Variants in ESF1 observed in about 807,000 individuals in gnomAD.
ESF1 encodes ESF1 nucleolar pre-rRNA processing protein.
A neutral mutation model predicts 92.0 loss-of-function variants in ESF1; 58 were observed. The observed-to-expected ratio is 0.63, with a 90% CI of 0.51 to 0.78. The LOEUF (loss-of-function observed/expected upper bound fraction) is 0.78. Among genes scored for constraint, ESF1 ranks in the 30% least tolerant of loss-of-function variants. ESF1 has a pLI of 0.00. For synonymous variants in ESF1, 321 were observed against 313.7 expected, an observed-to-expected ratio of 1.02 and a Z score of -0.24; for missense variants, 922 against 989.1, an observed-to-expected ratio of 0.93 and a Z score of 0.91.
chr20:13,720,605 G>C (rs1414986837), intron 11 of ESF1, among the ~76,000 whole-genome samples: 1 of 152,004 alleles, frequency 6.6e-6, no homozygotes, highest in Non-Finnish European at 1.5e-5. Flanking sequence ...TTATGGGAGG[G>C]GGAAGTGTAT....
In ESF1 at chr20:13,772,624, A is replaced by C. The variant is rs763342301; in HGVS notation, c.1150-9T>G. On this transcript the variant is annotated splice_polypyrimidine_tract_variant and intron_variant, in intron 4 of 13. Transcript: ENST00000617257. ...AATTCTGAAGGATATATCTAAACAG[A>C]AAAAAATAGGATCAATGTAATTTGT... is the stretch of plus-strand genomic sequence containing the variant. 6.4e-7 allele frequency: 1 copy of C among 1,568,822 alleles called. No individual in the cohort carries two copies. The highest frequency in any genetic ancestry group is 8.8e-7 in the Non-Finnish European group (1 of 1,140,912).
chr20:13,766,717 C>G (rs1426206531), intron 8 of ESF1, 60 bp downstream of exon 8: 2 of 1,562,510 alleles, frequency 1.3e-6, no homozygotes, highest in African/African-American at 2.7e-5. Context: ...TTTGGCTTTC[C>G]CTGTAAAGCT....
At chr20:13,765,383 G>T (rs1979384313) in intron 8 of ESF1, among the ~76,000 whole-genome samples, 3 of 152,156 alleles carry the variant, frequency 2.0e-5, no homozygotes, top group African/African-American at 7.2e-5. Context: ...AGAAAAGAAA[G>T]AAAAGTTTCA....
intron 10 of ESF1, among the ~76,000 whole-genome samples, chr20:13,729,802 T>C (rs2049929581): frequency 6.6e-6 from 1 of 152,212 alleles, no homozygotes; most frequent in South Asian, 2.1e-4. Context: ...AGTCTGTTGG[T>C]TAAATTTTTC....
chr20:13,766,815 G>T lies in ESF1; in HGVS notation c.1628C>A (p.Ser543Tyr). ...TTCTATCTCCTCTTCATCTTCACTA[G>T]AGGAAGCTAAGTAGGCTTGAAAATC... is the stretch of plus-strand genomic sequence containing the variant. ...DMDFQAYLAS[S>Y]SEDEEEIEEE... Residue 543 changes from serine (S) to tyrosine (Y), a missense_variant, in exon 8 of 14, where the codon TCT becomes TAT. Coordinates refer to ENST00000617257, the MANE Select transcript of ESF1 (RefSeq NM_001276380.2). The T allele has an allele frequency of 6.2e-7, 1 of 1,613,786 alleles. No homozygotes were observed. The highest frequency in any genetic ancestry group is 8.5e-7 in the Non-Finnish European group (1 of 1,179,878).
chr20:13,748,403 T>TATATATACACATATATATAC (rs1568717953), intron 9 of ESF1, among the ~76,000 whole-genome samples: 12 of 117,802 alleles, frequency 1.0e-4, no homozygotes, highest in African/African-American at 3.7e-4. Context: ...TCAAAGGATA[T>TATATATACACATATATATAC]ATATACACAT....
At chr20:13,784,196 A>T (rs1302796379) in intron 1 of ESF1, among the ~76,000 whole-genome samples, 3 of 151,972 alleles carry the variant, frequency 2.0e-5, no homozygotes, top group Non-Finnish European at 4.4e-5. Context: ...GTATAAATTA[A>T]TATTGTTCCC....
rs530295558 is a variant in ESF1 at position 13,748,116 on chromosome 20, G to A, written c.1828+11576C>T. Among the ~76,000 whole-genome samples the A allele has an allele frequency of 5.3e-5, 8 of 152,254 alleles. 1 individual carries two copies. Among genetic ancestry groups the A allele is most frequent in the South Asian group, 4.1e-4 (2 of 4,824 alleles). On this transcript the variant is annotated intron_variant, in intron 9 of 13. Transcript: ENST00000617257. Reference sequence around the variant, plus strand: ...GCAGTCCACTGTTGACTGAAATGTCGTTATACAGGGTATGACTGCATTTTC... The same window carrying A: ...GCAGTCCACTGTTGACTGAAATGTCATTATACAGGGTATGACTGCATTTTC...
At chr20:13,762,776 T>C (rs1226112803) in intron 8 of ESF1, 1 of 361,326 alleles carries the variant, frequency 2.8e-6, no homozygotes, top group African/African-American at 2.3e-5. Flanking sequence ...AAATTTGTAA[T>C]CAATTAAAAT....
intron 9 of ESF1, among the ~76,000 whole-genome samples, chr20:13,748,581 T>C (rs1415321619): frequency 3.5e-4 from 25 of 70,468 alleles, no homozygotes; most frequent in African/African-American, 1.5e-3. Context: ...TGTGTATATA[T>C]ATATATATAT....
chr20:13,718,333 TA>T (rs1422053509), intron 12 of ESF1, among the ~76,000 whole-genome samples: 5 of 152,206 alleles, frequency 3.3e-5, no homozygotes, highest in Non-Finnish European at 7.3e-5. Context: ...ACATCAGCCC[TA>T]GGGGCACTGC....
intron 12 of ESF1, among the ~76,000 whole-genome samples, chr20:13,718,492 G>A (rs1263333122): frequency 1.3e-5 from 2 of 152,118 alleles, no homozygotes; most frequent in African/African-American, 4.8e-5. Context: ...TTCACAATAA[G>A]AAAAACAGAA....
At chr20:13,736,140 G>A (rs113467942) in intron 9 of ESF1, among the ~76,000 whole-genome samples, 1 of 152,154 alleles carries the variant, frequency 6.6e-6, no homozygotes, top group South Asian at 2.1e-4. Context: ...TTCTACATCA[G>A]GTTTTCTCAA....
At chr20:13,754,017 C>G (rs891735592) in intron 9 of ESF1, among the ~76,000 whole-genome samples, 1 of 152,166 alleles carries the variant, frequency 6.6e-6, no homozygotes, top group Non-Finnish European at 1.5e-5. Context: ...TTGGAAGTTA[C>G]ATTTTGAAGT....
chr20:13,782,333 T>A (rs533624795), intron 2 of ESF1, among the ~76,000 whole-genome samples, 171 bp downstream of exon 2: 1 of 152,206 alleles, frequency 6.6e-6, no homozygotes, highest in Non-Finnish European at 1.5e-5. Flanking sequence ...TAGCACCACA[T>A]CAAAAATTAA....
At chr20:13,740,591 A>G (rs1432689221) in intron 9 of ESF1, among the ~76,000 whole-genome samples, 1 of 152,244 alleles carries the variant, frequency 6.6e-6, no homozygotes, top group East Asian at 1.9e-4. Flanking sequence ...GGAAAATGTA[A>G]TATTCTAAGA....
At chr20:13,772,175 C>G (rs1486021095) in intron 5 of ESF1, among the ~76,000 whole-genome samples, 1 of 150,418 alleles carries the variant, frequency 6.6e-6, no homozygotes, top group Non-Finnish European at 1.5e-5. Context: ...TGAAGGCAAA[C>G]AGAGCTTCAA....
chr20:13,770,098 T>G, intron 6 of ESF1, 77 bp from the exon 7 acceptor site: 1 of 819,416 alleles, frequency 1.2e-6, no homozygotes, highest in Non-Finnish European at 2.0e-6. Context: ...TCTAATTAGT[T>G]GTAGTTTATA....
intron 9 of ESF1, among the ~76,000 whole-genome samples, chr20:13,754,535 G>A (rs543284326): frequency 3.0e-4 from 46 of 152,114 alleles, no homozygotes; most frequent in African/African-American, 1.1e-3. Context: ...TCCTTGGCAT[G>A]TCTATTTAGG....
Sources: gnomAD v4.1 joint callset for allele counts (sites outside exome capture counted in the v4.1 genomes callset) on GRCh38, gnomAD v4.1.1 for gene constraint, MANE v1.5 for transcripts, NCBI Gene and HGNC (gene_info 2026-07-23, HGNC 2026-07-21) for gene names.